The following HPSE2 variants were observed in gnomAD, a reference collection of about 807,000 sequenced individuals.
HPSE2 encodes the protein inactive heparanase-2.
Under a neutral mutation model 60.5 loss-of-function variants are expected in HPSE2, and 38 were observed. The observed-to-expected ratio is 0.63, with a 90% CI of 0.48 to 0.82. The LOEUF is 0.82. HPSE2 is among the 40% of genes least tolerant of loss of function. The pLI is 0.00. For synonymous variants in HPSE2, 295 were observed against 293.2 expected, an observed-to-expected ratio of 1.01 and a Z score of -0.06; for missense variants, 713 against 740.4, an observed-to-expected ratio of 0.96 and a Z score of 0.43.
rs576392835 is a variant in HPSE2, at chr10:98,462,243, T to G, written c.1614-2504A>C. Among the ~76,000 whole-genome samples, 9 of 152,240 alleles carry G rather than the reference T, an allele frequency of 5.9e-5. No individual in the cohort carries two copies. The South Asian group carries it at 1.9e-3, about 32-fold the overall frequency. On this transcript the variant is annotated intron_variant, in intron 11 of 11. Transcript: ENST00000370552. Reference sequence around the variant, plus strand: ...GCCCAGGCTGCAGTGCAGTGGTGCATTCTTGGCTCACTGCAACCTCTGCCT... The same window carrying G: ...GCCCAGGCTGCAGTGCAGTGGTGCAGTCTTGGCTCACTGCAACCTCTGCCT...
rs41290490 is a variant in HPSE2 at position 98,743,824 on chromosome 10, A to G, written c.784+59T>C. ...ATGGTCTGATTGAGACTGTATCACAAGCCAACTTATTTTTCCCCTTTATTT... is the reference window on the plus strand; with the variant it reads ...ATGGTCTGATTGAGACTGTATCACAGGCCAACTTATTTTTCCCCTTTATTT... On this transcript the variant is annotated intron_variant, in intron 4 of 11. Transcript: ENST00000370552. 14,509 of 1,498,974 alleles carry G rather than the reference A, an allele frequency of 9.7e-3. 135 individuals are homozygous for G. Among genetic ancestry groups the G allele is most frequent in the South Asian group, 0.03 (2,663 of 88,358 alleles). The allele number at this position is 1,498,974 out of a possible 1,614,324, so 92.9% of individuals were successfully genotyped here. A position where few individuals can be genotyped will look rare whatever the true frequency, so the allele number is the denominator to read the frequency against.
intron 3 of HPSE2, among the ~76,000 whole-genome samples, chr10:99,100,964 G>T (rs1057188867): frequency 6.6e-6 from 1 of 152,114 alleles, no homozygotes; most frequent in Non-Finnish European, 1.5e-5. Flanking sequence ...CACCAGGCCT[G>T]CCCTAAAAGA....
intron 3 of HPSE2, among the ~76,000 whole-genome samples, chr10:99,003,800 T>G (rs1312737648): frequency 6.6e-6 from 1 of 152,164 alleles, no homozygotes; most frequent in Non-Finnish European, 1.5e-5. Flanking sequence ...TGATTTTTTT[T>G]AGCTGTGCAG....
At chr10:98,488,782 C>G (rs1022089057) in intron 10 of HPSE2, among the ~76,000 whole-genome samples, 1 of 152,238 alleles carries the variant, frequency 6.6e-6, no homozygotes, top group Non-Finnish European at 1.5e-5. Flanking sequence ...AAAGCAGTCA[C>G]TCTCTGTCAG....
chr10:99,175,808 C>A (rs994942635), intron 2 of HPSE2, among the ~76,000 whole-genome samples: 2 of 152,124 alleles, frequency 1.3e-5, no homozygotes, highest in African/African-American at 4.8e-5. Flanking sequence ...GGTCCCTGAC[C>A]CCCATGCCTC....
intron 2 of HPSE2, among the ~76,000 whole-genome samples, chr10:99,151,191 G>T (rs1846248754): frequency 6.6e-6 from 1 of 151,376 alleles, no homozygotes; most frequent in South Asian, 2.1e-4. Flanking sequence ...GGTATAGATT[G>T]GCTATAACCT....
At chr10:98,869,606 G>T (rs1011260446) in intron 3 of HPSE2, among the ~76,000 whole-genome samples, 1 of 151,970 alleles carries the variant, frequency 6.6e-6, no homozygotes, top group Non-Finnish European at 1.5e-5. Context: ...CTCTAATTTG[G>T]CTCCAGATTG....
At chr10:99,082,354 A>G (rs1313843935) in intron 3 of HPSE2, among the ~76,000 whole-genome samples, 1 of 152,268 alleles carries the variant, frequency 6.6e-6, no homozygotes, top group Non-Finnish European at 1.5e-5. Context: ...GCATGAGCAC[A>G]ATAGCAAACT....
At chr10:99,054,785 A>C (rs1001337558) in intron 3 of HPSE2, among the ~76,000 whole-genome samples, 37 of 152,126 alleles carry the variant, frequency 2.4e-4, no homozygotes, top group Non-Finnish European at 5.0e-4. Flanking sequence ...ATCTTGGCTC[A>C]CTGCAACCTC....
At chr10:98,551,649 T>G (rs1943867612) in intron 9 of HPSE2, among the ~76,000 whole-genome samples, 1 of 152,228 alleles carries the variant, frequency 6.6e-6, no homozygotes, top group Admixed American at 6.5e-5. Context: ...TCCTGCTCCC[T>G]GGATCCCCAG....
chr10:98,701,345 A>G (rs978491959), intron 5 of HPSE2, among the ~76,000 whole-genome samples: 2 of 149,240 alleles, frequency 1.3e-5, no homozygotes, highest in African/African-American at 2.4e-5. Flanking sequence ...TCGTAGGGAC[A>G]TGGATGAAAT....
At chr10:98,743,756 G>A (rs1471921424) in intron 4 of HPSE2, 127 bp downstream of exon 4, 3 of 837,294 alleles carry the variant, frequency 3.6e-6, no homozygotes, top group Non-Finnish European at 6.1e-6. Context: ...AGTCAACTCA[G>A]TGGCCAAACA....
At chr10:98,490,221 G>A (rs370670404) in intron 9 of HPSE2, 25 bp from the exon 10 acceptor site, 246 of 1,612,740 alleles carry the variant, frequency 1.5e-4, no homozygotes, top group East Asian at 5.1e-4. Context: ...GAGGGAGAGG[G>A]TCAGCGAGAG....
At chr10:99,187,911 C>G (rs544714000) in intron 2 of HPSE2, among the ~76,000 whole-genome samples, 4 of 152,334 alleles carry the variant, frequency 2.6e-5, no homozygotes, top group South Asian at 4.1e-4. Context: ...GAGATAGAAA[C>G]ACATGTCCAT....
In HPSE2 at chr10:99,232,227, A is replaced by G. The variant is rs796096435; in HGVS notation, c.448+121T>C. On this transcript the variant is annotated intron_variant, in intron 2 of 11. Coordinates refer to ENST00000370552, the MANE Select transcript of HPSE2 (RefSeq NM_021828.5). ...CGCGCGCGCGCATACACACACACAC[A>G]CACACACACACACACACACACACAC... 14,261 of 1,168,012 alleles carry G rather than the reference A, an allele frequency of 0.012. 338 individuals carry two copies. The East Asian group carries it at 0.14, about 11-fold the overall frequency. The allele number at this position is 1,168,012 out of a possible 1,614,324, so 72.4% of individuals were successfully genotyped here.
At chr10:98,763,900 C>G (rs145574084) in intron 3 of HPSE2, among the ~76,000 whole-genome samples, 1 of 151,738 alleles carries the variant, frequency 6.6e-6, no homozygotes, top group Admixed American at 6.6e-5. Context: ...GGAGAAGCAA[C>G]AGAAATAGTA....
intron 11 of HPSE2, among the ~76,000 whole-genome samples, chr10:98,477,909 C>G (rs937348689): frequency 6.6e-6 from 1 of 151,258 alleles, no homozygotes; most frequent in African/African-American, 2.5e-5. Flanking sequence ...GTGAACTGCA[C>G]ATGCAAGGGA....
the HPSE2 span, among the ~76,000 whole-genome samples, chr10:99,266,460 A>T: frequency 6.6e-6 from 1 of 152,092 alleles, no homozygotes; most frequent in East Asian, 1.9e-4. Flanking sequence ...CCTGAGAACA[A>T]CACACCCATC....
intron 2 of HPSE2, among the ~76,000 whole-genome samples, chr10:99,146,538 T>C (rs1846060229): frequency 6.6e-6 from 1 of 152,218 alleles, no homozygotes; most frequent in South Asian, 2.1e-4. Context: ...CCCAGAGTTC[T>C]AGTAGCCACT....
Sources: allele counts gnomAD v4.1 joint callset (sites outside exome capture counted in the v4.1 genomes callset), GRCh38; gene constraint gnomAD v4.1.1; transcripts MANE v1.5; gene names NCBI Gene and HGNC (gene_info 2026-07-23, HGNC 2026-07-21).